XKR6: variants seen among roughly 807,000 people sequenced by gnomAD.
XKR6 encodes XK related 6, also known as XK-related protein 6.
XKR6 carries 22 observed loss-of-function variants against 56.7 expected under a neutral mutation model. That is an observed-to-expected ratio of 0.39 (90% CI 0.28 to 0.55). The LOEUF is 0.55. Among genes scored for constraint, XKR6 ranks in the 20% least tolerant of loss-of-function variants. XKR6 has a pLI of 0.66. For synonymous variants in XKR6, 524 were observed against 387.8 expected, an observed-to-expected ratio of 1.35 and a Z score of -4.13; for missense variants, 852 against 889.0, an observed-to-expected ratio of 0.96 and a Z score of 0.53.
intron 1 of XKR6, among the ~76,000 whole-genome samples, chr8:11,027,884 C>G (rs1798905191): frequency 6.6e-6 from 1 of 152,138 alleles, no homozygotes; most frequent in African/African-American, 2.4e-5. Context: ...CTAGAAGCCC[C>G]TCTCCTCCCC....
chr8:10,975,765 G>C (rs560080950), intron 1 of XKR6, among the ~76,000 whole-genome samples: 1 of 152,360 alleles, frequency 6.6e-6, no homozygotes, highest in East Asian at 1.9e-4. Flanking sequence ...GTCACACTGT[G>C]TCTGCTTAGG....
At chr8:10,988,675 C>G (rs953819192) in intron 1 of XKR6, among the ~76,000 whole-genome samples, 1 of 152,126 alleles carries the variant, frequency 6.6e-6, no homozygotes, top group African/African-American at 2.4e-5. Flanking sequence ...CTGCTCAGAG[C>G]CAAGGAGAAT....
At position 11,067,871 on chromosome 8, in the gene XKR6, C is replaced by T. The variant is rs377362715; in HGVS notation, c.764+132705G>A. Among the ~76,000 whole-genome samples the T allele has an allele frequency of 9.5e-4, 145 of 152,382 alleles. 2 individuals carry two copies. Among genetic ancestry groups the T allele is most frequent in the African/African-American group, 3.4e-3 (142 of 41,598 alleles). On this transcript the variant is annotated intron_variant, in intron 1 of 2. Coordinates refer to ENST00000416569, the MANE Select transcript of XKR6 (RefSeq NM_173683.4). ...ACAGGACTGCTCTGGGGTTGCACCA[C>T]TGAGCCTGGGGGTCTCCCCATGACT...
chr8:11,049,409 T>C (rs749796102), intron 1 of XKR6, among the ~76,000 whole-genome samples: 25 of 152,182 alleles, frequency 1.6e-4, no homozygotes, highest in Non-Finnish European at 1.5e-4. Flanking sequence ...GGATGCCTGA[T>C]GGAACACAGC....
chr8:11,158,566 T>C (rs1355854633), intron 1 of XKR6, among the ~76,000 whole-genome samples: 1 of 152,204 alleles, frequency 6.6e-6, no homozygotes, highest in East Asian at 1.9e-4. Context: ...GTTTACTTCA[T>C]TAGTCGCCAT....
chr8:11,062,146 G>A (rs1799850685), intron 1 of XKR6, among the ~76,000 whole-genome samples: 1 of 152,180 alleles, frequency 6.6e-6, no homozygotes, highest in Admixed American at 6.5e-5. Flanking sequence ...AAGTATGACA[G>A]GACAAGAGGA....
intron 1 of XKR6, among the ~76,000 whole-genome samples, chr8:11,115,121 C>T (rs777008205): frequency 6.6e-6 from 1 of 152,156 alleles, no homozygotes; most frequent in Non-Finnish European, 1.5e-5. Context: ...TAAGTGACAA[C>T]AGAATGAGGC....
At chr8:10,902,598 C>T (rs1800067584) in intron 2 of XKR6, among the ~76,000 whole-genome samples, 1 of 152,238 alleles carries the variant, frequency 6.6e-6, no homozygotes, top group Non-Finnish European at 1.5e-5. Context: ...CAGCCTTCTC[C>T]AATGGTGGGA....
intron 1 of XKR6, among the ~76,000 whole-genome samples, chr8:10,977,933 C>G (rs1404382786): frequency 6.6e-6 from 1 of 152,168 alleles, no homozygotes; most frequent in East Asian, 1.9e-4. Flanking sequence ...CAGGCGATGA[C>G]TCCAGAACGT....
chr8:11,013,033 C>G (rs4401811), intron 1 of XKR6, among the ~76,000 whole-genome samples: 1 of 151,990 alleles, frequency 6.6e-6, no homozygotes, highest in Admixed American at 6.6e-5. Context: ...GAAGATGAAA[C>G]GAGGCCCAGG....
chr8:11,134,258 T>C (rs962577832), intron 1 of XKR6, among the ~76,000 whole-genome samples: 2 of 152,176 alleles, frequency 1.3e-5, no homozygotes, highest in African/African-American at 4.8e-5. Context: ...GTTACTGTTG[T>C]CCATCTGGAT....
chr8:11,078,294 A>C (rs1474401507), intron 1 of XKR6, among the ~76,000 whole-genome samples: 1 of 152,174 alleles, frequency 6.6e-6, no homozygotes, highest in Non-Finnish European at 1.5e-5. Context: ...TGGCACCATG[A>C]GTCTAAGGGA....
chr8:11,101,968 C>T (rs1398484650), intron 1 of XKR6, among the ~76,000 whole-genome samples: 6 of 152,076 alleles, frequency 3.9e-5, no homozygotes, highest in East Asian at 1.9e-4. Context: ...AATAATGTCA[C>T]GGATGCCATC....
intron 1 of XKR6, among the ~76,000 whole-genome samples, chr8:11,078,505 C>G (rs564341116): frequency 4.6e-5 from 7 of 152,306 alleles, no homozygotes; most frequent in Admixed American, 3.9e-4. Flanking sequence ...TTCCCATCTG[C>G]CAGGAACCTT....
intron 1 of XKR6, among the ~76,000 whole-genome samples, chr8:11,118,612 T>C (rs185216956): frequency 3.2e-4 from 49 of 152,348 alleles, no homozygotes; most frequent in Non-Finnish European, 3.1e-4. Flanking sequence ...GTTTATAGTA[T>C]TCTCTGATGG....
intron 2 of XKR6, among the ~76,000 whole-genome samples, chr8:10,915,614 C>A (rs1313455402): frequency 2.6e-5 from 4 of 152,128 alleles, no homozygotes; most frequent in African/African-American, 9.7e-5. Flanking sequence ...CAGAGTGGTG[C>A]AGTGCGAGCG....
At chr8:11,010,871 G>C (rs1381291675) in intron 1 of XKR6, among the ~76,000 whole-genome samples, 1 of 151,980 alleles carries the variant, frequency 6.6e-6, no homozygotes, top group Non-Finnish European at 1.5e-5. Context: ...CGTGGTATGA[G>C]TGGGGCTGAA....
chr8:10,911,688 G>A (rs527372306), intron 2 of XKR6, among the ~76,000 whole-genome samples: 11 of 148,382 alleles, frequency 7.4e-5, no homozygotes, highest in Non-Finnish European at 1.3e-4. Context: ...GAGAGGGTGA[G>A]TATATATATA....
At chr8:11,114,499 T>C (rs1200058019) in intron 1 of XKR6, among the ~76,000 whole-genome samples, 1 of 152,074 alleles carries the variant, frequency 6.6e-6, no homozygotes, top group Admixed American at 6.6e-5. Flanking sequence ...GTAGCTGAGA[T>C]TACAGGTGCC....
Sources: gnomAD v4.1 joint callset for allele counts (sites outside exome capture counted in the v4.1 genomes callset) on GRCh38, gnomAD v4.1.1 for gene constraint, MANE v1.5 for transcripts, NCBI Gene and HGNC (gene_info 2026-07-23, HGNC 2026-07-21) for gene names.